IGF2BP3: variants seen among roughly 807,000 people sequenced by gnomAD.
IGF2BP3 encodes the protein insulin-like growth factor 2 mRNA-binding protein 3.
In IGF2BP3, 9 loss-of-function variants were observed where a neutral mutation model predicts 73.8. The ratio of observed to expected loss-of-function variants is 0.12; its 90% confidence interval spans 0.07 to 0.21. The LOEUF is 0.21. Ranked by LOEUF, IGF2BP3 falls within the 10% of genes least tolerant of loss-of-function variation. IGF2BP3 has a pLI of 1.00. For synonymous variants in IGF2BP3, 258 were observed against 256.7 expected, an observed-to-expected ratio of 1.01 and a Z score of -0.05; for missense variants, 542 against 714.0, an observed-to-expected ratio of 0.76 and a Z score of 2.75.
chr7:23,461,168 C>A (rs1434745325), intron 2 of IGF2BP3, among the ~76,000 whole-genome samples: 1 of 152,090 alleles, frequency 6.6e-6, no homozygotes, highest in African/African-American at 2.4e-5. Context: ...CCCTCCTTCT[C>A]CACAGGCTTT....
intron 3 of IGF2BP3, among the ~76,000 whole-genome samples, chr7:23,407,196 AG>A (rs1786861525): frequency 6.6e-6 from 1 of 151,326 alleles, no homozygotes. Flanking sequence ...AAAAAAAAAA[AG>A]AAAAAAAGAA....
chr7:23,352,338 G>C (rs1481899255), intron 5 of IGF2BP3, among the ~76,000 whole-genome samples: 3 of 141,066 alleles, frequency 2.1e-5, no homozygotes, highest in African/African-American at 7.9e-5. Flanking sequence ...ACCCAGGCTG[G>C]AGCGCAATAG....
At chr7:23,408,754 C>G (rs571236005) in intron 3 of IGF2BP3, among the ~76,000 whole-genome samples, 128 of 152,234 alleles carry the variant, frequency 8.4e-4, no homozygotes, top group African/African-American at 3.0e-3. Context: ...ATTTATTCAC[C>G]TACATTCACG....
chr7:23,313,576 A>G lies in IGF2BP3; in HGVS notation c.1473T>C (p.His491=). ...CAGCAGCAAAGGATGGCACTCTGAT[A>G]TGAGCTTCAAGTTTCACCTCTTCTT... ...SPKEEVKLEA[H]IRVPSFAAGR... The change falls in exon 13 of 15, where the codon CAT becomes CAC. Residue 491 remains histidine, a synonymous_variant. Transcript: ENST00000258729. The G allele has an allele frequency of 1.9e-6, 3 of 1,614,094 alleles. No homozygotes were observed. The highest frequency in any genetic ancestry group is 1.1e-5 in the South Asian group (1 of 91,090).
At chr7:23,322,330 G>A (rs1393689083) in intron 10 of IGF2BP3, among the ~76,000 whole-genome samples, 1 of 152,206 alleles carries the variant, frequency 6.6e-6, no homozygotes, top group Non-Finnish European at 1.5e-5. Context: ...AGCGATGGAA[G>A]ATGAAGTGAA....
At chr7:23,437,210 G>C (rs1042162055) in intron 2 of IGF2BP3, among the ~76,000 whole-genome samples, 1 of 152,038 alleles carries the variant, frequency 6.6e-6, no homozygotes, top group African/African-American at 2.4e-5. Flanking sequence ...GGCCAGGCAT[G>C]GTGGCTCATG....
intron 5 of IGF2BP3, 61 bp from the exon 6 acceptor site, chr7:23,351,647 G>A (rs1784965440): frequency 6.4e-7 from 1 of 1,555,666 alleles, no homozygotes; most frequent in Non-Finnish European, 8.8e-7. Flanking sequence ...ACATCTTTTA[G>A]CAAAGCAACA....
intron 2 of IGF2BP3, among the ~76,000 whole-genome samples, chr7:23,452,370 T>C (rs897847864): frequency 4.6e-5 from 7 of 152,314 alleles, no homozygotes; most frequent in Non-Finnish European, 8.8e-5. Context: ...TTAAACAATA[T>C]GGAAAAAACA....
chr7:23,418,568 A>C (rs940127736), intron 3 of IGF2BP3, among the ~76,000 whole-genome samples: 14 of 152,262 alleles, frequency 9.2e-5, no homozygotes, highest in Non-Finnish European at 2.1e-4. Flanking sequence ...ATATATTTCA[A>C]TATTTGGTTT....
intron 3 of IGF2BP3, among the ~76,000 whole-genome samples, chr7:23,391,395 C>T (rs375086136): frequency 1.3e-4 from 20 of 152,304 alleles, no homozygotes; most frequent in African/African-American, 4.1e-4. Flanking sequence ...CCACCGTGCC[C>T]GGCCTTGTCA....
chr7:23,451,697 A>T (rs962408882), intron 2 of IGF2BP3, among the ~76,000 whole-genome samples: 3 of 152,004 alleles, frequency 2.0e-5, no homozygotes, highest in Non-Finnish European at 2.9e-5. Context: ...GCCTGTATTC[A>T]CAACACCTTG....
chr7:23,396,240 T>A (rs1400726327), intron 3 of IGF2BP3, among the ~76,000 whole-genome samples: 1 of 151,962 alleles, frequency 6.6e-6, no homozygotes, highest in Non-Finnish European at 1.5e-5. Context: ...CAATTAAATA[T>A]AAAGTGCTGG....
At position 23,470,072 on chromosome 7, in the gene IGF2BP3, G is replaced by A. The variant is rs780139917; in HGVS notation, c.39C>T (p.Ala13=). ...AGATACTTTCTAGGTCCGAGGGGGC[G>A]GCGTTCTCGCTGAGGTTTCCGATAT... is the stretch of plus-strand genomic sequence containing the variant. ...KLYIGNLSEN[A]APSDLESIFK... is the part of the protein sequence containing the mutation. The change falls in exon 1 of 15, where the codon GCC becomes GCT. Residue 13 remains alanine, a synonymous_variant. Transcript: ENST00000258729. The A allele has an allele frequency of 1.2e-6, 2 of 1,609,850 alleles. No individual in the cohort carries two copies. Among genetic ancestry groups the A allele is most frequent in the Admixed American group, 3.4e-5 (2 of 59,648 alleles).
At chr7:23,313,684 A>C in intron 12 of IGF2BP3, 31 bp from the exon 13 acceptor site, 1 of 1,605,498 alleles carries the variant, frequency 6.2e-7, no homozygotes, top group Non-Finnish European at 8.5e-7. Context: ...TATTAGTGTC[A>C]TTCATGTATG....
Position 23,368,343 on chromosome 7 carries a change from A to AAAAGAAAGAGAAAG in IGF2BP3, c.286-6603_286-6602insCTTTCTCTTTCTTT, listed in dbSNP as rs139877117. Among the ~76,000 whole-genome samples, 284 of 138,026 alleles carry AAAAGAAAGAGAAAG rather than the reference A, an allele frequency of 2.1e-3. 2 individuals are homozygous for AAAAGAAAGAGAAAG. The highest frequency in any genetic ancestry group is 7.7e-3 in the African/African-American group (273 of 35,622). 90.6% of individuals were successfully genotyped at this position (138,026 alleles called of 152,430 possible). Reference sequence around the variant, plus strand: ...GAGAGAAAGAAAAGAAAGAAAGAAAAAAAGAAAGAAAGAAAGAAAGAAAGA... The same window carrying AAAAGAAAGAGAAAG: ...GAGAGAAAGAAAAGAAAGAAAGAAAAAAAGAAAGAGAAAGAAAGAAAGAAAGAAAGAAAGAAAGA... On this transcript the variant is annotated intron_variant, in intron 3 of 14. Coordinates refer to ENST00000258729, the MANE Select transcript of IGF2BP3 (RefSeq NM_006547.3).
chr7:23,313,808 T>C (rs1485798336), intron 12 of IGF2BP3, among the ~76,000 whole-genome samples, 155 bp from the exon 13 acceptor site: 6 of 152,192 alleles, frequency 3.9e-5, no homozygotes, highest in Admixed American at 1.3e-4. Flanking sequence ...AGAGAGCAGT[T>C]AGAAGTCCTA....
chr7:23,327,005 C>G lies in IGF2BP3; in HGVS notation c.1204-7751G>C, dbSNP rs1329587552. ...GTGGGTGCAGGGCACCAGCATGGCA[C>G]ATGTATACATATGTAACTAACCTGC... On this transcript the variant is annotated intron_variant, in intron 10 of 14. Transcript: ENST00000258729. 9.3e-5 allele frequency among the ~76,000 whole-genome samples: 14 copies of G among 151,156 alleles called. No homozygotes were observed. In the East Asian group the frequency reaches 2.3e-3, roughly 25 times the overall value.
Position 23,311,537 on chromosome 7 carries a change from A to G in IGF2BP3, c.*825T>C, listed in dbSNP as rs1783829428. 6.6e-6 allele frequency: 1 copy of G among 152,324 alleles called. No individual in the cohort carries two copies. The highest frequency in any genetic ancestry group is 1.5e-5 in the Non-Finnish European group (1 of 68,028). 9.4% of individuals were successfully genotyped at this position (152,324 alleles called of 1,614,324 possible). ...AGAATAAATGGTAGTGCTGCTCTCC[A>G]GATACTAGGCACTGCTCCGTATTTT... On this transcript the variant is annotated 3_prime_UTR_variant, in exon 15 of 15. Coordinates refer to ENST00000258729, the MANE Select transcript of IGF2BP3 (RefSeq NM_006547.3).
intron 7 of IGF2BP3, among the ~76,000 whole-genome samples, chr7:23,346,945 C>T (rs1003744176): frequency 1.3e-5 from 2 of 152,122 alleles, no homozygotes; most frequent in African/African-American, 4.8e-5. Flanking sequence ...TTAATAATTA[C>T]ATTCTTATGA....
Sources: allele counts gnomAD v4.1 joint callset (sites outside exome capture counted in the v4.1 genomes callset), GRCh38; gene constraint gnomAD v4.1.1; transcripts MANE v1.5; gene names NCBI Gene and HGNC (gene_info 2026-07-23, HGNC 2026-07-21).